RANBP2: variants seen among roughly 807,000 people sequenced by gnomAD.
RANBP2 encodes the protein E3 SUMO-protein ligase RanBP2.
Under a neutral mutation model 303.6 loss-of-function variants are expected in RANBP2, and 57 were observed. The observed-to-expected ratio is 0.19, with a 90% confidence interval of 0.15 to 0.23. The LOEUF (loss-of-function observed/expected upper bound fraction) is 0.23, where lower values mean the gene tolerates loss of function less well. Ranked by LOEUF, RANBP2 falls within the 10% of genes least tolerant of loss-of-function variation. The probability of loss-of-function intolerance (pLI) is 1.00; values close to 1 mark genes in which losing one functional copy is unlikely to be tolerated. For missense variants in RANBP2, 3,138 were observed against 3,780.8 expected (o/e 0.83, Z 4.46); for synonymous variants, 1,167 against 1,301.5 (o/e 0.90, Z 2.23).
the RANBP2 span, among the ~76,000 whole-genome samples, chr2:108,874,026 C>G: frequency 6.6e-6 from 1 of 152,106 alleles, no homozygotes; most frequent in African/African-American, 2.4e-5. Context: ...CTCAGAACAT[C>G]TAGTTGTTTC....
the RANBP2 span, among the ~76,000 whole-genome samples, chr2:109,569,357 G>T: frequency 2.0e-5 from 3 of 151,302 alleles, no homozygotes; most frequent in Non-Finnish European, 2.9e-5. Context: ...CTTGAACCCA[G>T]GAGGCAGAGG....
chr2:109,013,242 A>G, the RANBP2 span, among the ~76,000 whole-genome samples: 5,634 of 152,310 alleles, frequency 0.037, 246 homozygotes, highest in African/African-American at 0.1. Context: ...TCGGCGCTTG[A>G]TATCAGCCAG....
At chr2:109,535,066 T>C in the RANBP2 span, among the ~76,000 whole-genome samples, 4 of 152,122 alleles carry the variant, frequency 2.6e-5, no homozygotes, top group African/African-American at 9.7e-5. Context: ...TTAATTTCTT[T>C]CAGAACCCAG....
the RANBP2 span, among the ~76,000 whole-genome samples, chr2:109,175,675 C>T: frequency 2.4e-4 from 37 of 152,288 alleles, no homozygotes; most frequent in African/African-American, 8.7e-4. Flanking sequence ...TAATAGGACA[C>T]ATTTTGGGTT....
the RANBP2 span, among the ~76,000 whole-genome samples, chr2:109,480,777 C>G: frequency 1.3e-5 from 2 of 152,178 alleles, no homozygotes; most frequent in Non-Finnish European, 2.9e-5. Flanking sequence ...CTTGCCTGGG[C>G]ACAGGGACCT....
At chr2:109,225,366 G>A in the RANBP2 span, among the ~76,000 whole-genome samples, 20 of 152,312 alleles carry the variant, frequency 1.3e-4, no homozygotes, top group East Asian at 1.9e-3. Flanking sequence ...GTGGGTTTCC[G>A]GGCTCCGCTT....
At chr2:108,889,199 CTTGTTTTGTGGCCTAACATAT>C in the RANBP2 span, among the ~76,000 whole-genome samples, 1 of 152,046 alleles carries the variant, frequency 6.6e-6, no homozygotes, top group African/African-American at 2.4e-5. Context: ...TTTGTTGAGA[CTTGTTTTGTGGCCTAACATAT>C]GGTCTATCCT....
At chr2:109,660,413 A>G in the RANBP2 span, among the ~76,000 whole-genome samples, 1 of 152,232 alleles carries the variant, frequency 6.6e-6, no homozygotes, top group Non-Finnish European at 1.5e-5. Flanking sequence ...CACTCTGTGG[A>G]GTGTACTTTC....
In RANBP2 at chr2:108,768,234, G is replaced by A. The variant is rs1479660050; in HGVS notation, c.7695G>A (p.Gln2565=). ...SNNSETSSVA[Q]SGSESKVEPK... ...ATAGTGAAACTAGTTCAGTAGCCCA[G>A]AGTGGATCTGAAAGCAAAGTGGAAC... The change falls in exon 20 of 29, where the codon CAG becomes CAA. Residue 2565 remains glutamine, a synonymous_variant. Coordinates refer to ENST00000283195, the MANE Select transcript of RANBP2 (RefSeq NM_006267.5). 6.2e-7 allele frequency: 1 copy of A among 1,612,008 alleles called. No individual in the cohort carries two copies. Among genetic ancestry groups the A allele is most frequent in the East Asian group, 2.2e-5 (1 of 44,878 alleles).
the RANBP2 span, among the ~76,000 whole-genome samples, chr2:109,607,941 G>GA: frequency 1.7e-4 from 26 of 151,846 alleles, no homozygotes; most frequent in African/African-American, 5.8e-4. Flanking sequence ...GTGCAAATGG[G>GA]AAAAAAAACT....
the RANBP2 span, among the ~76,000 whole-genome samples, chr2:109,433,196 ATG>A: frequency 6.6e-6 from 1 of 152,222 alleles, no homozygotes; most frequent in Non-Finnish European, 1.5e-5. Context: ...GTGTGTATGC[ATG>A]TGTGTGCAGT....
At chr2:109,664,754 A>C in the RANBP2 span, among the ~76,000 whole-genome samples, 1,574 of 152,264 alleles carry the variant, frequency 0.01, 30 homozygotes, top group African/African-American at 0.036. Context: ...ACATGGTGAA[A>C]CCCTACCTCT....
the RANBP2 span, among the ~76,000 whole-genome samples, chr2:109,225,327 C>A: frequency 1.3e-5 from 2 of 152,222 alleles, no homozygotes; most frequent in Non-Finnish European, 2.9e-5. Context: ...GTGGAGAGAC[C>A]TGCAAGTAAC....
chr2:108,756,996 A>G (rs1174750426), intron 17 of RANBP2, among the ~76,000 whole-genome samples: 1 of 152,206 alleles, frequency 6.6e-6, no homozygotes, highest in Non-Finnish European at 1.5e-5. Context: ...TAGCTTGAAA[A>G]TTGAGATAGT....
the RANBP2 span, among the ~76,000 whole-genome samples, chr2:109,566,313 G>A: frequency 6.6e-5 from 10 of 151,768 alleles, no homozygotes; most frequent in Non-Finnish European, 1.2e-4. Flanking sequence ...TAGAGACGGC[G>A]TTTCACCATG....
At chr2:109,567,568 C>T in the RANBP2 span, among the ~76,000 whole-genome samples, 4 of 152,148 alleles carry the variant, frequency 2.6e-5, no homozygotes, top group Non-Finnish European at 5.9e-5. Context: ...ATCCCAGTCT[C>T]ACAAATCTAT....
chr2:109,533,062 G>A, the RANBP2 span, among the ~76,000 whole-genome samples: 5 of 151,422 alleles, frequency 3.3e-5, no homozygotes, highest in Non-Finnish European at 7.4e-5. Flanking sequence ...AAATAGACAC[G>A]TCAGGTGATG....
the RANBP2 span, among the ~76,000 whole-genome samples, chr2:109,323,754 G>A: frequency 6.6e-6 from 1 of 152,224 alleles, no homozygotes; most frequent in East Asian, 1.9e-4. Context: ...GCTTCTCTAA[G>A]CTGTCAACAT....
the RANBP2 span, among the ~76,000 whole-genome samples, chr2:109,411,398 T>G: frequency 2.0e-5 from 3 of 152,218 alleles, no homozygotes; most frequent in African/African-American, 7.2e-5. Flanking sequence ...CCTCGTGTTC[T>G]TGGGAGTCAC....
Sources: allele counts gnomAD v4.1 joint callset (sites outside exome capture counted in the v4.1 genomes callset), GRCh38; gene constraint gnomAD v4.1.1; transcripts MANE v1.5; gene names NCBI Gene and HGNC (gene_info 2026-07-23, HGNC 2026-07-21).